Variants in CSMD2 observed in about 807,000 individuals in gnomAD.
CSMD2 encodes CUB and Sushi multiple domains 2, also known as CUB and sushi domain-containing protein 2.
CSMD2 carries 130 observed loss-of-function variants against 398.5 expected under a neutral mutation model. The observed-to-expected ratio is 0.33, with a 90% CI of 0.28 to 0.38. CSMD2 has a LOEUF of 0.38. CSMD2 is among the 10% of genes least tolerant of loss of function. The pLI, the probability that CSMD2 is intolerant of heterozygous loss-of-function variation, is 1.00. For missense variants in CSMD2, 3,829 were observed against 4,764.9 expected (o/e 0.80, Z 5.78); for synonymous variants, 1,828 against 1,908.5 (o/e 0.96, Z 1.10).
intron 25 of CSMD2, among the ~76,000 whole-genome samples, chr1:33,665,460 C>CTT (rs745495781): frequency 0.029 from 2,111 of 73,938 alleles, 396 homozygotes; most frequent in African/African-American, 0.076. Context: ...TTTCTTCTCT[C>CTT]TTTTTTTTTT....
chr1:33,919,112 G>A (rs1570502540), intron 4 of CSMD2, among the ~76,000 whole-genome samples: 1 of 152,234 alleles, frequency 6.6e-6, no homozygotes, highest in Non-Finnish European at 1.5e-5. Context: ...GTCCAGGTGA[G>A]GCTGGATGAG....
chr1:34,004,592 G>A (rs951825319), intron 3 of CSMD2, among the ~76,000 whole-genome samples: 2 of 152,154 alleles, frequency 1.3e-5, no homozygotes, highest in East Asian at 1.9e-4. Flanking sequence ...GAAAAAGAGA[G>A]AAAGAAAAAC....
Position 33,559,420 on chromosome 1 carries a change from G to T in CSMD2, c.8434C>A (p.Gln2812Lys), listed in dbSNP as rs1658346421. The T allele has an allele frequency of 6.5e-7, 1 of 1,536,152 alleles. No homozygotes were observed. Among genetic ancestry groups the T allele is most frequent in the Non-Finnish European group, 8.7e-7 (1 of 1,146,904 alleles). The change falls in exon 54 of 71, where the codon CAG becomes AAG. Residue 2812 changes from glutamine to lysine, a missense_variant. Around this residue, in one of 5 missense-constraint regions of CSMD2, gnomAD observed 917 missense variants for 1,199.5 expected, o/e 0.76. Transcript: ENST00000373381. The surrounding 1 kb of genome is among the most constrained non-coding windows in gnomAD (Gnocchi z 4.0). Reference protein sequence around the residue: ...NPVNGLTQGNQFNLNDVVKFV... With the variant: ...NPVNGLTQGNKFNLNDVVKFV... ...TTGACCACATCGTTGAGGTTAAACT[G>T]GTTACCCTGAGTGAGGCCGTTGACA...
chr1:33,718,679 T>G (rs559161752), intron 19 of CSMD2, among the ~76,000 whole-genome samples: 1 of 152,364 alleles, frequency 6.6e-6, no homozygotes, highest in African/African-American at 2.4e-5. Context: ...AGAATCTGCA[T>G]GCTCTTCAGA....
intron 32 of CSMD2, among the ~76,000 whole-genome samples, chr1:33,627,254 A>G (rs2148891395): frequency 6.6e-6 from 1 of 152,346 alleles, no homozygotes; most frequent in South Asian, 2.1e-4. Flanking sequence ...GGGCACAGGA[A>G]ACCAGGGTAG....
At chr1:33,677,512 A>T (rs1644757808) in intron 25 of CSMD2, among the ~76,000 whole-genome samples, 1 of 152,190 alleles carries the variant, frequency 6.6e-6, no homozygotes, top group African/African-American at 2.4e-5. Flanking sequence ...TGTTGGTGGG[A>T]CTGTAAACTA....
intron 15 of CSMD2, among the ~76,000 whole-genome samples, chr1:33,731,974 C>G (rs917996715): frequency 1.3e-5 from 2 of 152,044 alleles, no homozygotes; most frequent in African/African-American, 4.8e-5. Flanking sequence ...ACAAAATAGG[C>G]CATGAGTTTA....
At chr1:34,046,990 C>T (rs1178515810) in intron 2 of CSMD2, among the ~76,000 whole-genome samples, 1 of 152,156 alleles carries the variant, frequency 6.6e-6, no homozygotes, top group African/African-American at 2.4e-5. Flanking sequence ...CCTCCTAGTC[C>T]ACCTACAGAT....
chr1:34,121,896 C>A (rs1042482140), intron 1 of CSMD2, among the ~76,000 whole-genome samples: 2 of 151,926 alleles, frequency 1.3e-5, no homozygotes, highest in Non-Finnish European at 2.9e-5. Context: ...TGCTGCTGAG[C>A]GTCTGCTGAG....
At chr1:34,083,646 A>T (rs10799023) in intron 2 of CSMD2, among the ~76,000 whole-genome samples, 79,720 of 152,036 alleles carry the variant, frequency 0.52, 21,751 homozygotes, top group African/African-American at 0.66. Context: ...CCGGGCATGG[A>T]GGCTCATATC....
At chr1:33,643,329 T>C (rs998993924) in intron 29 of CSMD2, among the ~76,000 whole-genome samples, 1 of 152,264 alleles carries the variant, frequency 6.6e-6, no homozygotes, top group Non-Finnish European at 1.5e-5. Flanking sequence ...ACTTATTACA[T>C]GTGCAAAACA....
chr1:33,801,053 G>A (rs1005819666), intron 10 of CSMD2, among the ~76,000 whole-genome samples: 2 of 152,210 alleles, frequency 1.3e-5, no homozygotes, highest in African/African-American at 4.8e-5. Flanking sequence ...TTAATTCTCA[G>A]TTCTTCAGGT....
chr1:33,743,150 A>T, intron 14 of CSMD2, 130 bp downstream of exon 14: 1 of 712,626 alleles, frequency 1.4e-6, no homozygotes, highest in Non-Finnish European at 2.3e-6. Context: ...ATGACTGGGC[A>T]CTGCAGCCCT....
intron 6 of CSMD2, among the ~76,000 whole-genome samples, chr1:33,837,467 T>G (rs5016387): frequency 0.79 from 119,208 of 151,788 alleles, 47,658 homozygotes; most frequent in East Asian, 0.94. Flanking sequence ...AAAGAAGTTT[T>G]TTACTATCAA....
rs116759639 is a variant in CSMD2 at position 33,840,685 on chromosome 1, G to T, written c.1033+6199C>A. Among the ~76,000 whole-genome samples, 506 of 152,306 alleles carry T rather than the reference G, an allele frequency of 3.3e-3. 4 individuals carry two copies. The highest frequency in any genetic ancestry group is 0.011 in the African/African-American group (467 of 41,566). Reference sequence around the variant, plus strand: ...CGCTTGAAACCTGGTGAGGTCACGGGTGCCATATTTTGTGTGCCTACATCA... The same window carrying T: ...CGCTTGAAACCTGGTGAGGTCACGGTTGCCATATTTTGTGTGCCTACATCA... On this transcript the variant is annotated intron_variant, in intron 6 of 70. Coordinates refer to ENST00000373381, the MANE Select transcript of CSMD2 (RefSeq NM_001281956.2).
At chr1:33,853,295 A>ATTGACATC (rs1252288344) in intron 5 of CSMD2, among the ~76,000 whole-genome samples, 1 of 152,230 alleles carries the variant, frequency 6.6e-6, no homozygotes, top group Non-Finnish European at 1.5e-5. Flanking sequence ...TGTGCCAGAA[A>ATTGACATC]TTGACATCCA....
At chr1:34,055,502 C>T (rs761411769) in intron 2 of CSMD2, among the ~76,000 whole-genome samples, 59 of 152,130 alleles carry the variant, frequency 3.9e-4, no homozygotes, top group Non-Finnish European at 7.9e-4. Context: ...AGCAAGATTC[C>T]CAGGACCCCC....
intron 4 of CSMD2, among the ~76,000 whole-genome samples, chr1:33,926,375 T>A (rs945024496): frequency 6.6e-6 from 1 of 152,152 alleles, no homozygotes; most frequent in African/African-American, 2.4e-5. Context: ...TCCCGAGATT[T>A]TCAAACTTCC....
intron 24 of CSMD2, among the ~76,000 whole-genome samples, chr1:33,697,185 C>T (rs778266484): frequency 1.1e-4 from 16 of 152,122 alleles, no homozygotes; most frequent in Admixed American, 2.0e-4. Flanking sequence ...TCTTGTAATA[C>T]GAGTCATCAT....
Sources: allele counts gnomAD v4.1 joint callset (sites outside exome capture counted in the v4.1 genomes callset), GRCh38; gene constraint gnomAD v4.1.1; regional missense constraint gnomAD v4.1.1; non-coding constraint Gnocchi (gnomAD v3.1); transcripts MANE v1.5; gene names NCBI Gene and HGNC (gene_info 2026-07-23, HGNC 2026-07-21).